CDH12: variants seen among roughly 807,000 people sequenced by gnomAD.
CDH12 encodes cadherin 12.
In CDH12, 41 loss-of-function variants were observed where a neutral mutation model predicts 74.1. That is an observed-to-expected ratio of 0.55 (90% confidence interval 0.43 to 0.72). CDH12 has a LOEUF of 0.72. CDH12 is among the 30% of genes least tolerant of loss of function. CDH12 has a pLI of 0.00. For missense variants in CDH12, 945 were observed against 977.2 expected (o/e 0.97, Z 0.44); for synonymous variants, 399 against 355.0 (o/e 1.12, Z -1.39).
intron 1 of CDH12, among the ~76,000 whole-genome samples, chr5:22,550,131 C>G (rs564624894): frequency 2.0e-4 from 31 of 152,260 alleles, no homozygotes; most frequent in African/African-American, 7.0e-4. Flanking sequence ...GTTTCTTTCA[C>G]ATCTCAGTAC....
rs773955386 is a variant in CDH12 at position 21,802,285 on chromosome 5, C to T, written c.1138G>A (p.Glu380Lys). ...TVKISVLDVD[E>K]PPVFSKPLYT... ...AGCGGCTTGCTGAAAACCGGTGGCT[C>T]ATCTACGTCCAGCACGCTGATCTTC... Residue 380 changes from glutamate (E) to lysine (K), a missense_variant, in exon 10 of 15, where the codon GAG becomes AAG. Transcript: ENST00000382254. The T allele has an allele frequency of 1.9e-6, 3 of 1,611,816 alleles. No homozygotes were observed. The South Asian group carries it at 3.3e-5, about 18-fold the overall frequency.
intron 3 of CDH12, among the ~76,000 whole-genome samples, chr5:22,226,047 C>T (rs1054509868): frequency 2.0e-5 from 3 of 151,912 alleles, no homozygotes; most frequent in Non-Finnish European, 4.4e-5. Context: ...GCTAGACGCC[C>T]CCTTTAGCTA....
chr5:21,868,949 T>A (rs1297194118), intron 6 of CDH12, among the ~76,000 whole-genome samples: 1 of 152,162 alleles, frequency 6.6e-6, no homozygotes, highest in Non-Finnish European at 1.5e-5. Context: ...GGTGACCCAC[T>A]AACAAATTTT....
At chr5:22,561,210 A>C (rs1053652182) in intron 1 of CDH12, among the ~76,000 whole-genome samples, 1 of 152,140 alleles carries the variant, frequency 6.6e-6, no homozygotes, top group South Asian at 2.1e-4. Flanking sequence ...GAGACATTCA[A>C]CTTTCAAATG....
intron 5 of CDH12, among the ~76,000 whole-genome samples, chr5:22,058,096 G>A (rs977743852): frequency 8.6e-5 from 13 of 150,386 alleles, no homozygotes; most frequent in Admixed American, 6.6e-4. Context: ...TTGCTCTGTC[G>A]CCCAGGCTGG....
chr5:22,575,601 A>G (rs1459709127), intron 1 of CDH12, among the ~76,000 whole-genome samples: 1 of 151,924 alleles, frequency 6.6e-6, no homozygotes, highest in Non-Finnish European at 1.5e-5. Flanking sequence ...GTCTCGCTCT[A>G]TCTCCTAGGC....
At chr5:22,831,281 A>C (rs2126499969) in intron 1 of CDH12, among the ~76,000 whole-genome samples, 1 of 152,208 alleles carries the variant, frequency 6.6e-6, no homozygotes, top group African/African-American at 2.4e-5. Context: ...AATGTGAATT[A>C]GTGAAAGAGA....
At chr5:22,586,506 A>ATATATATATATATAT (rs1366866807) in intron 1 of CDH12, among the ~76,000 whole-genome samples, 5 of 129,054 alleles carry the variant, frequency 3.9e-5, no homozygotes, top group African/African-American at 1.5e-4. Context: ...TATATATATA[A>ATATATATATATATAT]ATAAAAATAA....
intron 3 of CDH12, among the ~76,000 whole-genome samples, chr5:22,281,366 T>C (rs1005246713): frequency 2.6e-5 from 4 of 152,138 alleles, no homozygotes; most frequent in Non-Finnish European, 5.9e-5. Flanking sequence ...TATTGGGAGT[T>C]CTAGCCAGGG....
At chr5:22,658,690 A>G (rs1740192751) in intron 1 of CDH12, among the ~76,000 whole-genome samples, 1 of 152,112 alleles carries the variant, frequency 6.6e-6, no homozygotes, top group South Asian at 2.1e-4. Flanking sequence ...AATAACCATC[A>G]CGTTTCAAGA....
At chr5:22,153,755 T>C (rs894475757) in intron 4 of CDH12, among the ~76,000 whole-genome samples, 10 of 148,926 alleles carry the variant, frequency 6.7e-5, no homozygotes, top group Non-Finnish European at 1.2e-4. Flanking sequence ...AACATGTTCA[T>C]TGCAACATTA....
chr5:22,024,365 A>C (rs1738202355), intron 5 of CDH12, among the ~76,000 whole-genome samples: 1 of 152,182 alleles, frequency 6.6e-6, no homozygotes, highest in African/African-American at 2.4e-5. Flanking sequence ...TCTTCAACTT[A>C]AGAAATAATT....
chr5:22,282,191 T>C (rs907630592), intron 3 of CDH12, among the ~76,000 whole-genome samples: 4 of 152,188 alleles, frequency 2.6e-5, no homozygotes, highest in Admixed American at 2.6e-4. Context: ...ACTAGCCATA[T>C]GCAGAAAAAT....
chr5:22,023,271 C>T (rs573619037), intron 5 of CDH12, among the ~76,000 whole-genome samples: 2 of 152,218 alleles, frequency 1.3e-5, no homozygotes, highest in Admixed American at 6.5e-5. Context: ...CACTAATGAA[C>T]TCTGCAATAA....
At chr5:21,901,825 G>GT (rs1317273536) in intron 6 of CDH12, among the ~76,000 whole-genome samples, 4 of 152,058 alleles carry the variant, frequency 2.6e-5, no homozygotes, top group Admixed American at 1.3e-4. Context: ...CCATCATGAG[G>GT]TTTTCCAAAC....
chr5:21,984,672 C>A (rs1335569827), intron 5 of CDH12, among the ~76,000 whole-genome samples: 2 of 152,202 alleles, frequency 1.3e-5, no homozygotes, highest in East Asian at 3.8e-4. Context: ...ATTACTGATG[C>A]TTTCCGAAGA....
intron 12 of CDH12, among the ~76,000 whole-genome samples, chr5:21,762,010 C>T (rs1408856336): frequency 4.6e-5 from 7 of 152,100 alleles, no homozygotes; most frequent in Non-Finnish European, 1.5e-5. Flanking sequence ...CATACAGACC[C>T]TATGAAACCA....
At chr5:22,341,521 A>G (rs1739849423) in intron 3 of CDH12, among the ~76,000 whole-genome samples, 1 of 152,132 alleles carries the variant, frequency 6.6e-6, no homozygotes, top group African/African-American at 2.4e-5. Flanking sequence ...ATTATGACCT[A>G]AATAAGCCAT....
chr5:22,306,070 C>T lies in CDH12; in HGVS notation c.-332-93427G>A, dbSNP rs531567313. 1.4e-3 allele frequency among the ~76,000 whole-genome samples: 215 copies of T among 152,224 alleles called. 2 individuals carry two copies. The highest frequency in any genetic ancestry group is 5.1e-3 in the African/African-American group (211 of 41,556). ...AACTGTTATAATTCTCTCCCTGTGC[C>T]ATGCTCTTTAATGTCTTTATACTTT... On this transcript the variant is annotated intron_variant, in intron 3 of 14. Transcript: ENST00000382254.
Sources: gnomAD v4.1 joint callset for allele counts (sites outside exome capture counted in the v4.1 genomes callset) on GRCh38, gnomAD v4.1.1 for gene constraint, MANE v1.5 for transcripts, NCBI Gene and HGNC (gene_info 2026-07-23, HGNC 2026-07-21) for gene names.